Variants in STXBP5 observed in about 807,000 individuals in gnomAD.
STXBP5 encodes the protein syntaxin binding protein 5.
STXBP5 carries 50 observed loss-of-function variants against 152.4 expected under a neutral mutation model. That is an observed-to-expected ratio of 0.33 (90% CI 0.26 to 0.42). The LOEUF is 0.42. Among genes scored for constraint, STXBP5 ranks in the 10% least tolerant of loss-of-function variants. The pLI, the probability that STXBP5 is intolerant of heterozygous loss-of-function variation, is 1.00. For missense variants in STXBP5, 1,167 were observed against 1,388.6 expected (o/e 0.84, Z 2.54); for synonymous variants, 492 against 494.7 (o/e 0.99, Z 0.07).
chr6:147,249,588 G>A (rs969979605), intron 4 of STXBP5, among the ~76,000 whole-genome samples: 1 of 152,130 alleles, frequency 6.6e-6, no homozygotes, highest in Non-Finnish European at 1.5e-5. Context: ...TTGAGGGTGC[G>A]AGCCGATTCT....
chr6:147,358,370 A>G (rs1003863263), intron 22 of STXBP5, among the ~76,000 whole-genome samples: 4 of 152,210 alleles, frequency 2.6e-5, no homozygotes, highest in Non-Finnish European at 4.4e-5. Flanking sequence ...ATGAGAAAGA[A>G]GGTGCCAAGG....
chr6:147,367,251 AAC>A (rs1250663715), intron 25 of STXBP5, among the ~76,000 whole-genome samples: 1 of 152,230 alleles, frequency 6.6e-6, no homozygotes, highest in Admixed American at 6.5e-5. Context: ...AGAAAAAAAT[AAC>A]AGTGTTTGAA....
chr6:147,324,168 T>A (rs1783085424), intron 16 of STXBP5, among the ~76,000 whole-genome samples: 2 of 152,080 alleles, frequency 1.3e-5, no homozygotes, highest in South Asian at 4.2e-4. Context: ...ACACACAAAT[T>A]GCTCATATTT....
intron 4 of STXBP5, among the ~76,000 whole-genome samples, chr6:147,243,412 C>T (rs1346173463): frequency 6.6e-6 from 1 of 152,054 alleles, no homozygotes; most frequent in African/African-American, 2.4e-5. Flanking sequence ...ATTTTTTGCC[C>T]ATTTTTAAGT....
intron 18 of STXBP5, among the ~76,000 whole-genome samples, chr6:147,329,386 G>C (rs968754002): frequency 2.0e-5 from 3 of 149,854 alleles, no homozygotes; most frequent in Non-Finnish European, 4.4e-5. Context: ...ATTTAGGGTT[G>C]TGTTTTAAAT....
At chr6:147,264,690 CTA>C (rs985812522) in intron 6 of STXBP5, among the ~76,000 whole-genome samples, 2 of 152,020 alleles carry the variant, frequency 1.3e-5, no homozygotes, top group Non-Finnish European at 2.9e-5. Flanking sequence ...ATTAACATCT[CTA>C]TGGGTTATAA....
chr6:147,316,536 T>C, intron 16 of STXBP5, 129 bp downstream of exon 16: 1 of 850,810 alleles, frequency 1.2e-6, no homozygotes, highest in South Asian at 2.7e-5. Flanking sequence ...TCTTCCTGTG[T>C]TTTGCTATGG....
intron 9 of STXBP5, among the ~76,000 whole-genome samples, chr6:147,295,062 A>G: frequency 6.6e-6 from 1 of 152,228 alleles, no homozygotes; most frequent in Non-Finnish European, 1.5e-5. Context: ...AATAAAACAG[A>G]GACAATAATT....
chr6:147,320,552 A>AGTGTGTGTGTGTGTGTGTGTGTGTGT (rs71552971), intron 16 of STXBP5, among the ~76,000 whole-genome samples: 1 of 84,994 alleles, frequency 1.2e-5, no homozygotes, highest in Admixed American at 1.2e-4. Flanking sequence ...TGCTAATTTG[A>AGTGTGTGTGTGTGTGTGTGTGTGTGT]GTGTGTGTGT....
intron 9 of STXBP5, among the ~76,000 whole-genome samples, chr6:147,296,491 C>G (rs1006546502): frequency 3.3e-5 from 5 of 151,910 alleles, no homozygotes; most frequent in African/African-American, 1.2e-4. Flanking sequence ...TAAATCTTCC[C>G]CTAAAAAGCT....
intron 21 of STXBP5, among the ~76,000 whole-genome samples, chr6:147,346,143 G>A (rs559645195): frequency 3.3e-5 from 5 of 152,198 alleles, no homozygotes; most frequent in African/African-American, 1.2e-4. Flanking sequence ...TAGAAGATGA[G>A]TAACTTCAAG....
At chr6:147,339,896 A>G (rs1784014557) in intron 21 of STXBP5, among the ~76,000 whole-genome samples, 1 of 151,924 alleles carries the variant, frequency 6.6e-6, no homozygotes, top group Admixed American at 6.6e-5. Context: ...TAAAAAATGC[A>G]TTGCTTCTTG....
chr6:147,383,562 G>A (rs1055470514), intron 27 of STXBP5, among the ~76,000 whole-genome samples: 5 of 151,948 alleles, frequency 3.3e-5, no homozygotes, highest in South Asian at 2.1e-4. Context: ...ACACCACATC[G>A]TGCTCTTAAA....
intron 21 of STXBP5, among the ~76,000 whole-genome samples, chr6:147,351,568 A>T (rs554200257): frequency 6.6e-6 from 1 of 152,332 alleles, no homozygotes; most frequent in African/African-American, 2.4e-5. Flanking sequence ...TTTCAAGCAC[A>T]AGAACAACCA....
chr6:147,232,174 C>A (rs993087286), intron 2 of STXBP5, among the ~76,000 whole-genome samples: 1 of 151,822 alleles, frequency 6.6e-6, no homozygotes, highest in African/African-American at 2.4e-5. Context: ...AATGGCAGAG[C>A]TGGCATATGA....
intron 6 of STXBP5, among the ~76,000 whole-genome samples, chr6:147,263,027 GT>G (rs1483414799): frequency 6.6e-6 from 1 of 151,940 alleles, no homozygotes; most frequent in East Asian, 1.9e-4. Context: ...ATACCAGGAA[GT>G]TTATTGCTAT....
chr6:147,378,764 AAATTT>A (rs1296083008), intron 26 of STXBP5, among the ~76,000 whole-genome samples: 1 of 152,170 alleles, frequency 6.6e-6, no homozygotes, highest in Non-Finnish European at 1.5e-5. Context: ...TACAAAAATA[AAATTT>A]AATTTATATT....
At position 147,383,834 on chromosome 6, in the gene STXBP5, G is replaced by A. The variant is rs564399895; in HGVS notation, c.3414+836G>A. Among the ~76,000 whole-genome samples the A allele has an allele frequency of 9.2e-5, 14 of 152,114 alleles. No individual in the cohort carries two copies. In the East Asian group the frequency reaches 2.7e-3, roughly 30 times the overall value. ...GCTCAAAAATGCGGAAATCTAGAAT[G>A]CATGAAGAGGTAACTTGACCTGGAA... On this transcript the variant is annotated intron_variant, in intron 27 of 27. Transcript: ENST00000321680.
intron 4 of STXBP5, among the ~76,000 whole-genome samples, chr6:147,247,071 A>T (rs544066735): frequency 6.6e-6 from 1 of 152,212 alleles, no homozygotes; most frequent in Non-Finnish European, 1.5e-5. Context: ...TATATTAGTA[A>T]GACATAACCT....
Sources: allele counts gnomAD v4.1 joint callset (sites outside exome capture counted in the v4.1 genomes callset), GRCh38; gene constraint gnomAD v4.1.1; transcripts MANE v1.5; gene names NCBI Gene and HGNC (gene_info 2026-07-23, HGNC 2026-07-21).